The following CUBN variants were observed in gnomAD, a reference collection of about 807,000 sequenced individuals.
CUBN encodes the protein 460 kDa receptor.
Under a neutral mutation model 405.3 loss-of-function variants are expected in CUBN, and 282 were observed. That is an observed-to-expected ratio of 0.70 (90% CI 0.63 to 0.77). CUBN has a LOEUF of 0.77. Among genes scored for constraint, CUBN ranks in the 30% least tolerant of loss-of-function variants. The probability of loss-of-function intolerance (pLI) is 0.00; values close to 1 mark genes in which losing one functional copy is unlikely to be tolerated. For synonymous variants in CUBN, 1,684 were observed against 1,617.0 expected (o/e 1.04, Z -0.99); for missense variants, 4,514 against 4,475.2 (o/e 1.01, Z -0.25).
At chr10:17,042,374 G>A (rs532494490) in intron 26 of CUBN, among the ~76,000 whole-genome samples, 71 of 152,158 alleles carry the variant, frequency 4.7e-4, no homozygotes, top group African/African-American at 1.7e-3. Context: ...AAACCACATG[G>A]GCCACTCTCA....
intron 17 of CUBN, among the ~76,000 whole-genome samples, chr10:17,082,849 TA>T (rs1188437983): frequency 1.3e-5 from 2 of 152,174 alleles, no homozygotes; most frequent in Non-Finnish European, 2.9e-5. Flanking sequence ...TACAGTTTCC[TA>T]AGATTAAAAC....
At chr10:17,092,219 C>T (rs534926689) in intron 14 of CUBN, among the ~76,000 whole-genome samples, 8 of 152,108 alleles carry the variant, frequency 5.3e-5, no homozygotes, top group Non-Finnish European at 1.2e-4. Flanking sequence ...TCCTCTCTAC[C>T]CTGAATACAA....
chr10:17,063,419 A>C (rs1167557535), intron 22 of CUBN, among the ~76,000 whole-genome samples: 1 of 152,224 alleles, frequency 6.6e-6, no homozygotes, highest in Non-Finnish European at 1.5e-5. Context: ...TGATTATCAC[A>C]CAGGGAAGCC....
intron 58 of CUBN, among the ~76,000 whole-genome samples, chr10:16,871,813 T>C (rs1217843795): frequency 6.6e-6 from 1 of 152,220 alleles, no homozygotes; most frequent in Non-Finnish European, 1.5e-5. Context: ...ACAGAAAAGC[T>C]TGTGTAACCA....
chr10:16,944,858 G>C (rs1357926086), intron 36 of CUBN, among the ~76,000 whole-genome samples: 1 of 152,150 alleles, frequency 6.6e-6, no homozygotes, highest in African/African-American at 2.4e-5. Flanking sequence ...ATTTATTTGT[G>C]AGCTATCACA....
At chr10:16,957,715 T>G (rs1416630516) in intron 31 of CUBN, among the ~76,000 whole-genome samples, 1 of 152,140 alleles carries the variant, frequency 6.6e-6, no homozygotes. Context: ...GATCCAACAG[T>G]CTCACTCCTG....
intron 6 of CUBN, among the ~76,000 whole-genome samples, chr10:17,120,077 C>T (rs916361804): frequency 1.3e-5 from 2 of 152,168 alleles, no homozygotes; most frequent in African/African-American, 4.8e-5. Context: ...TTTTGCAGGT[C>T]CAGATGATTC....
At chr10:17,046,919 A>C (rs971870010) in intron 23 of CUBN, among the ~76,000 whole-genome samples, 7 of 152,178 alleles carry the variant, frequency 4.6e-5, no homozygotes, top group African/African-American at 1.7e-4. Context: ...CATTCTTTCA[A>C]AATGATGATA....
intron 58 of CUBN, among the ~76,000 whole-genome samples, chr10:16,871,588 G>T (rs1459070966): frequency 1.3e-5 from 2 of 151,932 alleles, no homozygotes; most frequent in Non-Finnish European, 2.9e-5. Context: ...AACATTTAAT[G>T]TTATTGTAAA....
At chr10:17,125,682 C>A (rs1354192726) in intron 4 of CUBN, among the ~76,000 whole-genome samples, 1 of 152,172 alleles carries the variant, frequency 6.6e-6, no homozygotes, top group African/African-American at 2.4e-5. Flanking sequence ...GGCCAGAGAG[C>A]ATTTGCCCTA....
chr10:17,041,074 C>G lies in CUBN; in HGVS notation c.3976G>C (p.Asp1326His). The G allele has an allele frequency of 6.2e-7, 1 of 1,613,810 alleles. No homozygotes were observed. Among genetic ancestry groups the G allele is most frequent in the African/African-American group, 1.3e-5 (1 of 75,006 alleles). ...GAGCAGTTTATGTGATGTTCCAAGT[C>G]AAATGCTAAAAATGTGTAGTTCACA... Reference protein sequence around the residue: ...NTVNYTFLAFDLEHHINCSTD... With the variant: ...NTVNYTFLAFHLEHHINCSTD... The change falls in exon 27 of 67, where the codon GAC becomes CAC. Residue 1326 changes from aspartate to histidine, a missense_variant. Coordinates refer to ENST00000377833, the MANE Select transcript of CUBN (RefSeq NM_001081.4).
chr10:17,049,330 GC>G (rs1835209918), intron 22 of CUBN, among the ~76,000 whole-genome samples: 1 of 152,164 alleles, frequency 6.6e-6, no homozygotes, highest in Non-Finnish European at 1.5e-5. Flanking sequence ...GAGAGCTTTG[GC>G]CAGTAAATCA....
chr10:17,118,154 G>A (rs1037806575), intron 6 of CUBN, among the ~76,000 whole-genome samples: 1 of 152,136 alleles, frequency 6.6e-6, no homozygotes, highest in Non-Finnish European at 1.5e-5. Context: ...AATAGCTACA[G>A]AGTATACTTC....
At chr10:16,933,776 C>T (rs968707534) in intron 39 of CUBN, among the ~76,000 whole-genome samples, 4 of 152,014 alleles carry the variant, frequency 2.6e-5, no homozygotes, top group Non-Finnish European at 4.4e-5. Context: ...AGAAACATGT[C>T]GGAGCTTTTC....
At position 17,071,967 on chromosome 10, in the gene CUBN, C is replaced by A. The variant is rs770625165; in HGVS notation, c.2306G>T (p.Arg769Leu). 1.9e-6 allele frequency: 3 copies of A among 1,610,868 alleles called. No homozygotes were observed. The highest frequency in any genetic ancestry group is 2.2e-5 in the South Asian group (2 of 90,822). ...TTTTCCAAGTAAGGTTTCACCATCT[C>A]GAACCTAAAGAGAAAAATAAAATAG... The part of the protein sequence containing the change: ...SDSSQNYIEV[R>L]DGETLLGKVC... The change falls in exon 18 of 67, where the codon CGA becomes CTA. Residue 769 changes from arginine to leucine, a missense_variant. By Grantham distance (102) the Arg-to-Leu change is moderately radical. This residue lies in a region of CUBN where 1,448 missense variants were observed against 1,388.0 expected (regional missense o/e 1.04). Coordinates refer to ENST00000377833, the MANE Select transcript of CUBN (RefSeq NM_001081.4).
chr10:16,913,776 G>A (rs533289451), intron 48 of CUBN, 35 bp downstream of exon 48: 8 of 1,610,722 alleles, frequency 5.0e-6, no homozygotes, highest in East Asian at 4.5e-5. Flanking sequence ...TTTAAATGAT[G>A]GAATATAACA....
At position 17,088,196 on chromosome 10, in the gene CUBN, G is replaced by A; in HGVS notation, c.1915C>T (p.His639Tyr). 6.2e-7 allele frequency: 1 copy of A among 1,613,500 alleles called. No homozygotes were observed. The highest frequency in any genetic ancestry group is 8.5e-7 in the Non-Finnish European group (1 of 1,179,522). ...TFTFGTLSLE[H>Y]HDDCNKDYLE... ...TAATCTTTGTTGCAGTCATCATGGT[G>A]CTCGAGGCTCAAGGTCCCAAAAGTA... The change falls in exon 15 of 67, where the codon CAC (histidine) becomes TAC (tyrosine). Residue 639 changes from histidine (H) to tyrosine (Y), a missense_variant. This residue lies in a region of CUBN where 1,448 missense variants were observed against 1,388.0 expected (regional missense o/e 1.04). Transcript: ENST00000377833.
At chr10:17,041,598 G>A (rs894189033) in intron 26 of CUBN, among the ~76,000 whole-genome samples, 5 of 152,026 alleles carry the variant, frequency 3.3e-5, no homozygotes, top group Non-Finnish European at 7.4e-5. Context: ...AAGCGCATTC[G>A]ACGTTCTGTG....
chr10:17,026,748 G>A (rs1361909637), intron 27 of CUBN, among the ~76,000 whole-genome samples: 1 of 152,200 alleles, frequency 6.6e-6, no homozygotes, highest in East Asian at 1.9e-4. Context: ...GGATAAATGA[G>A]GCAAATGTAG....
Sources: allele counts gnomAD v4.1 joint callset (sites outside exome capture counted in the v4.1 genomes callset), GRCh38; gene constraint gnomAD v4.1.1; regional missense constraint gnomAD v4.1.1; transcripts MANE v1.5; gene names NCBI Gene and HGNC (gene_info 2026-07-23, HGNC 2026-07-21).